PTPRD: variants seen among roughly 807,000 people sequenced by gnomAD.
The protein encoded by PTPRD is receptor-type tyrosine-protein phosphatase delta.
In PTPRD, 34 loss-of-function variants were observed where a neutral mutation model predicts 214.5. The observed-to-expected ratio is 0.16, with a 90% CI of 0.12 to 0.21. The LOEUF is 0.21. PTPRD is among the 10% of genes least tolerant of loss of function. PTPRD has a pLI of 1.00. For synonymous variants in PTPRD, 1,128 were observed against 845.7 expected (o/e 1.33, Z -5.79); for missense variants, 2,545 against 2,398.7 (o/e 1.06, Z -1.27).
intron 10 of PTPRD, among the ~76,000 whole-genome samples, chr9:9,153,505 TGA>T (rs2099878610): frequency 6.6e-6 from 1 of 152,138 alleles, no homozygotes; most frequent in Non-Finnish European, 1.5e-5. Context: ...TTATAAAATG[TGA>T]GAGGTCAATT....
At chr9:8,960,203 C>T (rs931889925) in intron 11 of PTPRD, among the ~76,000 whole-genome samples, 10 of 151,948 alleles carry the variant, frequency 6.6e-5, no homozygotes, top group Admixed American at 2.0e-4. Context: ...TGAGTTTTGT[C>T]GTCAGGAACA....
chr9:9,474,692 T>C (rs906270541), intron 8 of PTPRD, among the ~76,000 whole-genome samples: 2 of 149,658 alleles, frequency 1.3e-5, no homozygotes, highest in Admixed American at 6.7e-5. Flanking sequence ...GTTTTTTTTG[T>C]AGCTATTATA....
At chr9:9,664,809 G>T (rs2096685504) in intron 7 of PTPRD, among the ~76,000 whole-genome samples, 1 of 151,668 alleles carries the variant, frequency 6.6e-6, no homozygotes, top group African/African-American at 2.4e-5. Context: ...GTATGTTAAT[G>T]AGAAAGCCTC....
At chr9:9,584,109 C>A (rs2091433582) in intron 7 of PTPRD, among the ~76,000 whole-genome samples, 4 of 151,758 alleles carry the variant, frequency 2.6e-5, no homozygotes, top group East Asian at 1.9e-4. Flanking sequence ...AATCTCAGAC[C>A]CCATCCCAAA....
intron 12 of PTPRD, among the ~76,000 whole-genome samples, chr9:8,674,578 C>A (rs1198024321): frequency 1.3e-5 from 2 of 150,662 alleles, no homozygotes; most frequent in African/African-American, 4.9e-5. Context: ...CTTATGAAAG[C>A]TAACCTGGAA....
intron 2 of PTPRD, among the ~76,000 whole-genome samples, chr9:10,529,990 G>T (rs1356137829): frequency 6.6e-6 from 1 of 151,514 alleles, no homozygotes; most frequent in Non-Finnish European, 1.5e-5. Flanking sequence ...GTTGTTAGGG[G>T]CAGAAAACCA....
At chr9:10,383,226 C>T (rs1463104915) in intron 2 of PTPRD, among the ~76,000 whole-genome samples, 4 of 151,978 alleles carry the variant, frequency 2.6e-5, no homozygotes, top group African/African-American at 9.6e-5. Flanking sequence ...TTATTACAAA[C>T]ATTCTTATCA....
At chr9:10,507,265 T>G (rs779604763) in intron 2 of PTPRD, among the ~76,000 whole-genome samples, 16 of 152,070 alleles carry the variant, frequency 1.1e-4, no homozygotes, top group South Asian at 4.2e-4. Flanking sequence ...TCTTCAATGA[T>G]AACTACAAAC....
intron 9 of PTPRD, among the ~76,000 whole-genome samples, chr9:9,366,214 T>A (rs955783839): frequency 3.3e-5 from 5 of 151,588 alleles, no homozygotes; most frequent in Non-Finnish European, 7.4e-5. Context: ...ATTTATTAGG[T>A]TGCATAACCG....
intron 11 of PTPRD, among the ~76,000 whole-genome samples, chr9:8,945,226 T>C (rs61303840): frequency 0.14 from 21,551 of 151,998 alleles, 1,897 homozygotes; most frequent in Non-Finnish European, 0.2. Context: ...GGTAACTTAA[T>C]TATGATGGAA....
chr9:9,418,593 C>CTAT (rs2077684173), intron 8 of PTPRD, among the ~76,000 whole-genome samples: 3 of 151,986 alleles, frequency 2.0e-5, no homozygotes, highest in Non-Finnish European at 4.4e-5. Context: ...AATGGCCATG[C>CTAT]TATTACCTGC....
chr9:8,571,095 C>A (rs2091009981), intron 14 of PTPRD, among the ~76,000 whole-genome samples: 1 of 152,048 alleles, frequency 6.6e-6, no homozygotes, highest in African/African-American at 2.4e-5. Flanking sequence ...GCTTCCACGG[C>A]ATATTCCATT....
intron 2 of PTPRD, among the ~76,000 whole-genome samples, chr9:10,539,584 G>C (rs1312152863): frequency 1.3e-5 from 2 of 152,102 alleles, no homozygotes; most frequent in Non-Finnish European, 2.9e-5. Flanking sequence ...CCCCACACAG[G>C]GCCAAGCTGA....
At chr9:10,202,080 G>A (rs1157550451) in intron 3 of PTPRD, among the ~76,000 whole-genome samples, 2 of 152,056 alleles carry the variant, frequency 1.3e-5, no homozygotes, top group Non-Finnish European at 2.9e-5. Context: ...AATAGAGGCT[G>A]TTTAGGCTGA....
chr9:10,551,814 G>C (rs2061426777), intron 2 of PTPRD, among the ~76,000 whole-genome samples: 1 of 152,060 alleles, frequency 6.6e-6, no homozygotes, highest in Admixed American at 6.6e-5. Flanking sequence ...GAAAGTACCA[G>C]CATATGCCCA....
At chr9:9,904,802 TCACC>T (rs1288379375) in intron 5 of PTPRD, among the ~76,000 whole-genome samples, 1 of 152,052 alleles carries the variant, frequency 6.6e-6, no homozygotes, top group Non-Finnish European at 1.5e-5. Flanking sequence ...TAAAAGACAT[TCACC>T]GAAGTTTTGT....
intron 2 of PTPRD, among the ~76,000 whole-genome samples, chr9:10,542,348 T>A (rs913283853): frequency 3.9e-5 from 6 of 152,142 alleles, no homozygotes; most frequent in Non-Finnish European, 7.4e-5. Context: ...GGCTTTAAAT[T>A]GCTATGTAAG....
intron 11 of PTPRD, among the ~76,000 whole-genome samples, chr9:8,968,162 C>A (rs990020350): frequency 2.6e-5 from 4 of 152,058 alleles, no homozygotes; most frequent in African/African-American, 7.2e-5. Context: ...CATTGTTGGA[C>A]ATTTGGGTTG....
In PTPRD at chr9:8,393,549, G is replaced by C. The variant is rs529732317; in HGVS notation, c.4211-4142C>G. Among the ~76,000 whole-genome samples, 3 of 152,182 alleles carry C rather than the reference G, an allele frequency of 2.0e-5. No individual in the cohort carries two copies. In the East Asian group the frequency reaches 5.8e-4, roughly 29 times the overall value. On this transcript the variant is annotated intron_variant, in intron 36 of 45. Coordinates refer to ENST00000381196, the MANE Select transcript of PTPRD (RefSeq NM_002839.4). ...TTAGAACACATTGGCCCTGCTGCAG[G>C]AACTCTCTTGGAGTCAGTTGGTCTT...
Sources: gnomAD v4.1 joint callset for allele counts (sites outside exome capture counted in the v4.1 genomes callset) on GRCh38, gnomAD v4.1.1 for gene constraint, MANE v1.5 for transcripts, NCBI Gene and HGNC (gene_info 2026-07-23, HGNC 2026-07-21) for gene names.